Variants in TM7SF3 observed in about 807,000 individuals in gnomAD.
TM7SF3 encodes transmembrane 7 superfamily member 3, also known as seven span transmembrane protein.
TM7SF3 carries 60 observed loss-of-function variants against 65.5 expected under a neutral mutation model. That is an observed-to-expected ratio of 0.92 (90% CI 0.74 to 1.14). TM7SF3 has a LOEUF of 1.14. Ranked by LOEUF, TM7SF3 falls within the 50% of genes most tolerant of loss-of-function variation. The pLI, the probability that TM7SF3 is intolerant of heterozygous loss-of-function variation, is 0.00. For synonymous variants in TM7SF3, 264 were observed against 259.6 expected (o/e 1.02, Z -0.16); for missense variants, 623 against 684.8 (o/e 0.91, Z 1.01).
At chr12:27,007,328 T>C (rs1941076805) in intron 1 of TM7SF3, among the ~76,000 whole-genome samples, 1 of 152,208 alleles carries the variant, frequency 6.6e-6, no homozygotes, top group Non-Finnish European at 1.5e-5. Flanking sequence ...GTATACATTA[T>C]GTAAAACCTG....
rs1308379279 is a variant in TM7SF3 at position 26,971,619 on chromosome 12, C to T, written c.*2346G>A. 1 of 152,016 alleles carries T rather than the reference C, an allele frequency of 6.6e-6. No homozygotes were observed. Among genetic ancestry groups the T allele is most frequent in the Non-Finnish European group, 1.5e-5 (1 of 67,982 alleles). The allele number at this position is 152,016 out of a possible 1,614,324, so 9.4% of individuals were successfully genotyped here. ...GGATTTATTATAAAAACTATACAAACTTTTTATCACTCACAAATGATGAAA... is the reference window on the plus strand; with the variant it reads ...GGATTTATTATAAAAACTATACAAATTTTTTATCACTCACAAATGATGAAA... On this transcript the variant is annotated 3_prime_UTR_variant, in exon 12 of 12. Coordinates refer to ENST00000343028, the MANE Select transcript of TM7SF3 (RefSeq NM_016551.3).
chr12:26,975,621 G>T lies in TM7SF3; in HGVS notation c.1325C>A (p.Ser442Ter). ...GTAACTGTCAATGGCTAAAACCACC[G>T]AATAGGAGCCAATGACTCCACAAGT... ...ILTCGVIGSY[S>*]VVLAIDSYWS... The change falls in exon 11 of 12, where the codon TCG (serine) becomes TAG (stop). Residue 442 changes from serine to a stop codon, truncating the protein, a stop_gained. Transcript: ENST00000343028. LOFTEE classifies it high-confidence loss of function. 6.2e-7 allele frequency: 1 copy of T among 1,613,944 alleles called. No individual in the cohort carries two copies. Among genetic ancestry groups the T allele is most frequent in the Non-Finnish European group, 8.5e-7 (1 of 1,179,948 alleles).
Position 26,973,820 on chromosome 12 carries a change from T to G in TM7SF3, c.*145A>C. The G allele has an allele frequency of 9.4e-7, 1 of 1,058,486 alleles. No homozygotes were observed. The highest frequency in any genetic ancestry group is 1.3e-6 in the Non-Finnish European group (1 of 741,408). 65.6% of individuals were successfully genotyped at this position (1,058,486 alleles called of 1,614,324 possible). A position where few individuals can be genotyped will look rare whatever the true frequency, so the allele number is the denominator to read the frequency against. Reference sequence around the variant, plus strand: ...TCATCCTAATCCCCTAGTACACCCTTACCATATATCAATAAGGGCACCATA... The same window carrying G: ...TCATCCTAATCCCCTAGTACACCCTGACCATATATCAATAAGGGCACCATA... On this transcript the variant is annotated 3_prime_UTR_variant, in exon 12 of 12. Coordinates refer to ENST00000343028, the MANE Select transcript of TM7SF3 (RefSeq NM_016551.3).
At chr12:26,999,404 A>T in intron 3 of TM7SF3, 122 bp downstream of exon 3, 1 of 1,149,378 alleles carries the variant, frequency 8.7e-7, no homozygotes, top group Non-Finnish European at 1.2e-6. Flanking sequence ...TCAAAAAAAA[A>T]AAATCCGATT....
In TM7SF3 at chr12:26,985,621, CAAAAAAAAA is replaced by C. The variant is rs544145636; in HGVS notation, c.869-2771_869-2763del. ...GCCTGGGTGACAAGAGTGAGACTGTCAAAAAAAAAAAAAAAAAAAAAAAAAAAAAAAATA... is the reference window on the plus strand; with the variant it reads ...GCCTGGGTGACAAGAGTGAGACTGTCAAAAAAAAAAAAAAAAAAAAAAATA... On this transcript the variant is annotated intron_variant, in intron 6 of 11. Transcript: ENST00000343028. Among the ~76,000 whole-genome samples, 41 of 61,014 alleles carry C rather than the reference CAAAAAAAAA, an allele frequency of 6.7e-4. 1 individual carries two copies. Among genetic ancestry groups the C allele is most frequent in the African/African-American group, 1.9e-3 (27 of 14,510 alleles). 40.0% of individuals were successfully genotyped at this position (61,014 alleles called of 152,430 possible).
At position 27,014,277 on chromosome 12, in the gene TM7SF3, G is replaced by T. The variant is rs1327350239; in HGVS notation, c.-109C>A. The T allele has an allele frequency of 4.2e-6, 4 of 957,906 alleles. No individual in the cohort carries two copies. Among genetic ancestry groups the T allele is most frequent in the Non-Finnish European group, 5.8e-6 (4 of 686,468 alleles). 59.3% of individuals were successfully genotyped at this position (957,906 alleles called of 1,614,324 possible). ...CTATCCCGGGGCGCCCGCATCGGGCGCCATCGCCCGCCAGGTGCAGACGCT... is the reference window on the plus strand; with the variant it reads ...CTATCCCGGGGCGCCCGCATCGGGCTCCATCGCCCGCCAGGTGCAGACGCT... On this transcript the variant is annotated 5_prime_UTR_variant, in exon 1 of 12. Transcript: ENST00000343028.
In TM7SF3 at chr12:26,979,766, C is replaced by G. The variant is rs201325756; in HGVS notation, c.1189+18G>C. On this transcript the variant is annotated intron_variant, in intron 9 of 11. Coordinates refer to ENST00000343028, the MANE Select transcript of TM7SF3 (RefSeq NM_016551.3). ...ACAGTCACTCGAACACACAAAACATCTGTTACATATCGCCTACCCAGTGGA... is the reference window on the plus strand; with the variant it reads ...ACAGTCACTCGAACACACAAAACATGTGTTACATATCGCCTACCCAGTGGA... 1 of 1,613,210 alleles carries G rather than the reference C, an allele frequency of 6.2e-7. No individual in the cohort carries two copies. The highest frequency in any genetic ancestry group is 1.3e-5 in the African/African-American group (1 of 75,020).
intron 6 of TM7SF3, among the ~76,000 whole-genome samples, chr12:26,986,772 G>A (rs1032346790): frequency 2.6e-5 from 4 of 151,996 alleles, no homozygotes; most frequent in South Asian, 2.1e-4. Context: ...CCAGTCAGGC[G>A]CCTACCCCAC....
At chr12:26,981,628 C>T (rs1939820255) in intron 7 of TM7SF3, among the ~76,000 whole-genome samples, 1 of 152,092 alleles carries the variant, frequency 6.6e-6, no homozygotes, top group African/African-American at 2.4e-5. Context: ...ATACTCTCTT[C>T]CCAATTAATA....
chr12:27,003,311 A>G lies in TM7SF3; in HGVS notation c.171T>C (p.Asp57=). ...TAAGAAAAGTCACATTGCTTGAAAT[A>G]TCATGCAAAATAGCTTCCTCTGGAA... ...RPFPEEAILH[D]ISSNVTFLIF... Residue 57 remains aspartate, a synonymous_variant, in exon 2 of 12, where the codon GAT becomes GAC. Transcript: ENST00000343028. 1 of 1,612,424 alleles carries G rather than the reference A, an allele frequency of 6.2e-7. No individual in the cohort carries two copies. The highest frequency in any genetic ancestry group is 8.5e-7 in the Non-Finnish European group (1 of 1,178,612).
intron 6 of TM7SF3, among the ~76,000 whole-genome samples, chr12:26,984,452 A>AAAC (rs1555215862): frequency 4.1e-5 from 6 of 146,316 alleles, no homozygotes; most frequent in Non-Finnish European, 7.4e-5. Context: ...CGAAAAACAA[A>AAAC]AAAAAAAAAC....
chr12:27,009,377 G>A (rs1941161660), intron 1 of TM7SF3, among the ~76,000 whole-genome samples: 1 of 151,758 alleles, frequency 6.6e-6, no homozygotes, highest in South Asian at 2.1e-4. Context: ...TTTATCTTTA[G>A]AATTTTGTAA....
chr12:26,986,035 A>G (rs1278165727), intron 6 of TM7SF3, among the ~76,000 whole-genome samples: 7 of 150,150 alleles, frequency 4.7e-5, no homozygotes, highest in Non-Finnish European at 7.4e-5. Flanking sequence ...TCACTGTGTT[A>G]GCCAGGATGG....
At position 26,973,998 on chromosome 12, in the gene TM7SF3, C is replaced by A. The variant is rs765847526; in HGVS notation, c.1680G>T (p.Gln560His). ...TQIKGLFQKE[Q>H]PAGERTPLLL ...GCAAAGGCGTTCTCTCTCCAGCTGG[C>A]TGCTCCTTCTGGAAGAGCCCTTTAA... The change falls in exon 12 of 12, where the codon CAG becomes CAT. Residue 560 changes from glutamine to histidine, a missense_variant. Gln to His is a conservative substitution (Grantham distance 24). Coordinates refer to ENST00000343028, the MANE Select transcript of TM7SF3 (RefSeq NM_016551.3). 3 of 1,614,092 alleles carry A rather than the reference C, an allele frequency of 1.9e-6. No homozygotes were observed. The East Asian group carries it at 6.7e-5, about 36-fold the overall frequency.
chr12:27,010,274 T>G (rs1941195836), intron 1 of TM7SF3, among the ~76,000 whole-genome samples: 1 of 152,186 alleles, frequency 6.6e-6, no homozygotes, highest in Non-Finnish European at 1.5e-5. Flanking sequence ...CACACATTCA[T>G]CTCCTTATTG....
Position 26,979,793 on chromosome 12 carries a change from TAAAG to T in TM7SF3, c.1176_1179del (p.Phe392LeufsTer7), listed in dbSNP as rs766902976. 1.2e-6 allele frequency: 2 copies of T among 1,613,590 alleles called. No homozygotes were observed. Among genetic ancestry groups the T allele is most frequent in the East Asian group, 4.5e-5 (2 of 44,868 alleles). On this transcript the variant is annotated frameshift_variant, in exon 9 of 12. Transcript: ENST00000343028. LOFTEE classifies it high-confidence loss of function. The stretch of plus-strand genomic sequence containing the variant: ...GTTACATATCGCCTACCCAGTGGAG[TAAAG>T]AAAGTCACTGACGAGATGAGGAACC...
At chr12:26,990,850 A>G in intron 5 of TM7SF3, among the ~76,000 whole-genome samples, 1 of 152,200 alleles carries the variant, frequency 6.6e-6, no homozygotes, top group Non-Finnish European at 1.5e-5. Flanking sequence ...GTTTTTTTTA[A>G]TAGTTTAAGG....
intron 2 of TM7SF3, among the ~76,000 whole-genome samples, chr12:27,000,903 T>C (rs1940805675): frequency 1.3e-5 from 2 of 151,718 alleles, no homozygotes; most frequent in African/African-American, 4.8e-5. Context: ...CATCCCCCAC[T>C]CCCATCTGCT....
Position 27,003,301 on chromosome 12 carries a change from T to G in TM7SF3, c.181A>C (p.Asn61His). ...ATTTGGAAAATAAGAAAAGTCACAT[T>G]GCTTGAAATATCATGCAAAATAGCT... ...EEAILHDISS[N>H]VTFLIFQIHS... Residue 61 changes from asparagine (N) to histidine (H), a missense_variant, in exon 2 of 12, where the codon AAT becomes CAT. By Grantham distance (68) the Asn-to-His change is moderately conservative. Transcript: ENST00000343028. The G allele has an allele frequency of 6.2e-7, 1 of 1,613,564 alleles. No homozygotes were observed. The highest frequency in any genetic ancestry group is 8.5e-7 in the Non-Finnish European group (1 of 1,179,610).
Sources: allele counts gnomAD v4.1 joint callset (sites outside exome capture counted in the v4.1 genomes callset), GRCh38; gene constraint gnomAD v4.1.1; transcripts MANE v1.5; gene names NCBI Gene and HGNC (gene_info 2026-07-23, HGNC 2026-07-21).